The following YAF2 variants were observed in gnomAD, a reference collection of about 807,000 sequenced individuals.
YAF2 encodes the protein YY1 associated factor 2, also known as YY1-associated factor 2.
Under a neutral mutation model 20.1 loss-of-function variants are expected in YAF2, and 7 were observed. The observed-to-expected ratio is 0.35, with a 90% CI of 0.20 to 0.65. The LOEUF (loss-of-function observed/expected upper bound fraction) is 0.65, where lower values mean the gene tolerates loss of function less well. Among genes scored for constraint, YAF2 ranks in the 30% least tolerant of loss-of-function variants. The pLI, the probability that YAF2 is intolerant of heterozygous loss-of-function variation, is 0.69. For missense variants in YAF2, 151 were observed against 219.2 expected, an observed-to-expected ratio of 0.69 and a Z score of 1.96; for synonymous variants, 74 against 76.0, an observed-to-expected ratio of 0.97 and a Z score of 0.14.
At chr12:42,215,798 T>C (rs1048075214) in intron 2 of YAF2, among the ~76,000 whole-genome samples, 1 of 152,158 alleles carries the variant, frequency 6.6e-6, no homozygotes, top group Admixed American at 6.6e-5. Flanking sequence ...TGATTGCACC[T>C]GTAGTCCTAG....
In YAF2 at chr12:42,159,531, C is replaced by T. The variant is rs2065759793; in HGVS notation, c.*1058G>A. On this transcript the variant is annotated 3_prime_UTR_variant, in exon 4 of 4. Coordinates refer to ENST00000534854, the MANE Select transcript of YAF2 (RefSeq NM_005748.6). ...TTCAGGATACTGAGAAATGTGTAAA[C>T]TGGCAGCTGTGTCTGAAAATAGGGT... 6.6e-6 allele frequency: 1 copy of T among 151,964 alleles called. No homozygotes were observed. Among genetic ancestry groups the T allele is most frequent in the South Asian group, 2.1e-4 (1 of 4,832 alleles). 9.4% of individuals were successfully genotyped at this position (151,964 alleles called of 1,614,324 possible).
At chr12:42,191,646 ATG>A (rs2066615233) in intron 2 of YAF2, among the ~76,000 whole-genome samples, 1 of 152,136 alleles carries the variant, frequency 6.6e-6, no homozygotes, top group Non-Finnish European at 1.5e-5. Context: ...AGCACCTACT[ATG>A]TGCCAAGCAT....
chr12:42,207,815 C>T (rs1041082331), intron 2 of YAF2, among the ~76,000 whole-genome samples: 5 of 152,016 alleles, frequency 3.3e-5, no homozygotes, highest in Non-Finnish European at 7.4e-5. Flanking sequence ...GGCGTGAACC[C>T]AGGAGGCAGA....
chr12:42,174,112 A>C (rs2066121144), intron 2 of YAF2, among the ~76,000 whole-genome samples: 1 of 152,064 alleles, frequency 6.6e-6, no homozygotes, highest in Non-Finnish European at 1.5e-5. Flanking sequence ...AAAAAAAAAA[A>C]AAAACTCTTT....
chr12:42,235,313 C>T, intron 2 of YAF2: 9 of 998,230 alleles, frequency 9.0e-6, no homozygotes, highest in Non-Finnish European at 1.1e-5. Flanking sequence ...CTTCCAACTA[C>T]TGAAACTTTT....
chr12:42,221,211 T>C (rs757968316), intron 2 of YAF2, among the ~76,000 whole-genome samples: 6 of 152,210 alleles, frequency 3.9e-5, no homozygotes, highest in Non-Finnish European at 8.8e-5. Context: ...GGCAAAATTA[T>C]AAGAAGAAAT....
chr12:42,235,497 T>G (rs1259957938), intron 2 of YAF2: 1 of 1,254,522 alleles, frequency 8.0e-7, no homozygotes, highest in African/African-American at 1.5e-5. Flanking sequence ...ACTAGGAAAA[T>G]AACAGATAAC....
At chr12:42,221,177 G>A (rs2067500160) in intron 2 of YAF2, among the ~76,000 whole-genome samples, 1 of 152,068 alleles carries the variant, frequency 6.6e-6, no homozygotes, top group African/African-American at 2.4e-5. Flanking sequence ...ACTGTCAAGA[G>A]GTATACCACT....
chr12:42,233,992 G>A (rs986831375), intron 2 of YAF2: 57 of 825,614 alleles, frequency 6.9e-5, no homozygotes, highest in Non-Finnish European at 7.7e-5. Context: ...CCAGCATAGT[G>A]AAACCCCATC....
intron 2 of YAF2, among the ~76,000 whole-genome samples, chr12:42,190,203 G>T (rs1206512721): frequency 6.6e-6 from 1 of 152,046 alleles, no homozygotes. Context: ...AATGAGCTGG[G>T]CATGGTGGCA....
intron 2 of YAF2, among the ~76,000 whole-genome samples, chr12:42,221,720 A>G (rs1282454418): frequency 6.6e-6 from 1 of 152,232 alleles, no homozygotes; most frequent in Non-Finnish European, 1.5e-5. Flanking sequence ...GACCTCACCC[A>G]GCAGATTGCT....
intron 2 of YAF2, among the ~76,000 whole-genome samples, chr12:42,171,741 C>A (rs761577496): frequency 3.3e-5 from 5 of 151,462 alleles, no homozygotes; most frequent in Non-Finnish European, 5.9e-5. Context: ...ATTATTTGAG[C>A]TCAGGAGTTC....
rs568963303 is a variant in YAF2, at chr12:42,235,871, A to G, written c.152+1728T>C. On this transcript the variant is annotated intron_variant, in intron 2 of 3. Coordinates refer to ENST00000534854, the MANE Select transcript of YAF2 (RefSeq NM_005748.6). ...TGTGTACTATATTCCTTCTTCTTCCAGGTGCCAGGTATTCAGCCTGTTTCT... is the reference window on the plus strand; with the variant it reads ...TGTGTACTATATTCCTTCTTCTTCCGGGTGCCAGGTATTCAGCCTGTTTCT... 61 of 1,535,954 alleles carry G rather than the reference A, an allele frequency of 4.0e-5. 1 individual carries two copies. The East Asian group carries it at 7.6e-4, about 19-fold the overall frequency.
chr12:42,161,776 G>T lies in YAF2; in HGVS notation c.153-11C>A, dbSNP rs768153992. On this transcript the variant is annotated splice_polypyrimidine_tract_variant and intron_variant, in intron 2 of 3. Coordinates refer to ENST00000534854, the MANE Select transcript of YAF2 (RefSeq NM_005748.6). ...ACAGGTCGAGGTTTCCTGTGTGCAT[G>T]TTAAAAAGAAAGGTATTTTAAATTA... The T allele has an allele frequency of 6.3e-7, 1 of 1,585,058 alleles. No individual in the cohort carries two copies. Among genetic ancestry groups the T allele is most frequent in the Admixed American group, 2.0e-5 (1 of 50,454 alleles).
chr12:42,179,064 AAG>A (rs140721450), intron 2 of YAF2, among the ~76,000 whole-genome samples: 1 of 152,268 alleles, frequency 6.6e-6, no homozygotes, highest in East Asian at 1.9e-4. Flanking sequence ...TTCAAAAAGA[AAG>A]AAAAAATACA....
intron 2 of YAF2, chr12:42,234,363 G>A: frequency 2.0e-6 from 2 of 985,356 alleles, no homozygotes; most frequent in Non-Finnish European, 2.4e-6. Context: ...AAAGCACAAT[G>A]TAAAAAATTT....
chr12:42,231,449 A>G (rs940121311), intron 2 of YAF2: 1 of 152,210 alleles, frequency 6.6e-6, no homozygotes, highest in Non-Finnish European at 1.5e-5. Flanking sequence ...AGAGGTAAGT[A>G]GTTGAATAGC....
intron 2 of YAF2, among the ~76,000 whole-genome samples, chr12:42,190,915 T>C (rs1463869473): frequency 1.3e-5 from 2 of 152,118 alleles, no homozygotes; most frequent in Admixed American, 6.5e-5. Context: ...AGTTTTTTTT[T>C]CAGCTTTCTT....
rs563385475 is a variant in YAF2 at position 42,158,462 on chromosome 12, A to T, written c.*2127T>A. The T allele has an allele frequency of 2.8e-4, 42 of 152,338 alleles. No individual in the cohort carries two copies. Among genetic ancestry groups the T allele is most frequent in the Non-Finnish European group, 4.3e-4 (29 of 68,022 alleles). 9.4% of individuals were successfully genotyped at this position (152,338 alleles called of 1,614,324 possible). A position where few individuals can be genotyped will look rare whatever the true frequency, so the allele number is the denominator to read the frequency against. ...AGCTCACATTTACTGAGTGACCAGT[A>T]TGTGTCAGATAATTAAGAATTTTAC... is the stretch of plus-strand genomic sequence containing the variant. On this transcript the variant is annotated 3_prime_UTR_variant, in exon 4 of 4. Coordinates refer to ENST00000534854, the MANE Select transcript of YAF2 (RefSeq NM_005748.6).
Sources: gnomAD v4.1 joint callset for allele counts (sites outside exome capture counted in the v4.1 genomes callset) on GRCh38, gnomAD v4.1.1 for gene constraint, MANE v1.5 for transcripts, NCBI Gene and HGNC (gene_info 2026-07-23, HGNC 2026-07-21) for gene names.